ARHGAP26: variants seen among roughly 807,000 people sequenced by gnomAD.
ARHGAP26 encodes the protein rho GTPase-activating protein 26.
ARHGAP26 carries 38 observed loss-of-function variants against 104.8 expected under a neutral mutation model. The observed-to-expected ratio is 0.36, with a 90% CI of 0.28 to 0.48. ARHGAP26 has a LOEUF of 0.48. Among genes scored for constraint, ARHGAP26 ranks in the 20% least tolerant of loss-of-function variants. The pLI, the probability that ARHGAP26 is intolerant of heterozygous loss-of-function variation, is 0.99. For missense variants in ARHGAP26, 704 were observed against 947.9 expected (o/e 0.74, Z 3.38); for synonymous variants, 341 against 340.0 (o/e 1.00, Z -0.03).
intron 20 of ARHGAP26, among the ~76,000 whole-genome samples, chr5:143,206,601 C>T (rs749950480): frequency 5.9e-5 from 9 of 152,224 alleles, no homozygotes; most frequent in Non-Finnish European, 1.3e-4. Flanking sequence ...CCGCATTCTG[C>T]TGGTAATTGC....
At position 142,913,213 on chromosome 5, in the gene ARHGAP26, A is replaced by G; in HGVS notation, c.948A>G (p.Ser316=). 6.2e-7 allele frequency: 1 copy of G among 1,614,176 alleles called. No individual in the cohort carries two copies. Among genetic ancestry groups the G allele is most frequent in the Non-Finnish European group, 8.5e-7 (1 of 1,179,996 alleles). Residue 316 remains serine (S), a synonymous_variant, in exon 10 of 23, where the codon TCA becomes TCG. Coordinates refer to ENST00000645722, the MANE Select transcript of ARHGAP26 (RefSeq NM_001135608.3). ...GTTCCCACTAGGGAGAAGATGAATC[A>G]GTTATCCTCAAATCCTGCACACGGC... ...KSGGKGGEDE[S]VILKSCTRRK...
intron 17 of ARHGAP26, among the ~76,000 whole-genome samples, chr5:143,077,711 G>A (rs1198318953): frequency 2.0e-5 from 3 of 152,258 alleles, no homozygotes; most frequent in Non-Finnish European, 4.4e-5. Context: ...TCTTGAGGAT[G>A]GGTCTGAAAT....
At chr5:142,968,739 C>T (rs994870224) in intron 11 of ARHGAP26, among the ~76,000 whole-genome samples, 1 of 152,158 alleles carries the variant, frequency 6.6e-6, no homozygotes, top group African/African-American at 2.4e-5. Context: ...GTCTTTGTAT[C>T]ATTGTCACTG....
intron 1 of ARHGAP26, among the ~76,000 whole-genome samples, chr5:142,870,854 C>T (rs1009542019): frequency 2.0e-5 from 3 of 152,164 alleles, no homozygotes; most frequent in African/African-American, 7.2e-5. Flanking sequence ...ATCACCCTGT[C>T]ACCATCACCC....
At chr5:143,051,836 C>G (rs2150228609) in intron 14 of ARHGAP26, among the ~76,000 whole-genome samples, 1 of 152,248 alleles carries the variant, frequency 6.6e-6, no homozygotes, top group East Asian at 1.9e-4. Context: ...CCCAGACTTG[C>G]CAACTGCTGC....
chr5:143,227,314 A>G lies in ARHGAP26; in HGVS notation c.*4868A>G, dbSNP rs1413699698. 4.3e-6 allele frequency: 1 copy of G among 230,790 alleles called. No homozygotes were observed. The highest frequency in any genetic ancestry group is 5.6e-5 in the Admixed American group (1 of 17,716). The allele number at this position is 230,790 out of a possible 1,614,324, so 14.3% of individuals were successfully genotyped here. On this transcript the variant is annotated 3_prime_UTR_variant, in exon 23 of 23. Coordinates refer to ENST00000645722, the MANE Select transcript of ARHGAP26 (RefSeq NM_001135608.3). ...AAGGAATGACCTAGGTGTTCTGCCAAAGGAGTTATCTATCATCTCTGGCAA... is the reference window on the plus strand; with the variant it reads ...AAGGAATGACCTAGGTGTTCTGCCAGAGGAGTTATCTATCATCTCTGGCAA...
At chr5:142,850,798 T>C (rs1435894846) in intron 1 of ARHGAP26, among the ~76,000 whole-genome samples, 3 of 152,234 alleles carry the variant, frequency 2.0e-5, no homozygotes, top group African/African-American at 4.8e-5. Flanking sequence ...GTGCCTCATA[T>C]GTAGCAAATA....
At chr5:143,128,607 C>T (rs138611806) in intron 18 of ARHGAP26, among the ~76,000 whole-genome samples, 31 of 152,304 alleles carry the variant, frequency 2.0e-4, no homozygotes, top group African/African-American at 7.2e-4. Context: ...CTGGCTTCCA[C>T]TGTGAAGGTG....
Position 143,113,852 on chromosome 5 carries a change from T to C in ARHGAP26, c.1539-7136T>C, listed in dbSNP as rs371459993. On this transcript the variant is annotated intron_variant, in intron 17 of 22. Coordinates refer to ENST00000645722, the MANE Select transcript of ARHGAP26 (RefSeq NM_001135608.3). Reference sequence around the variant, plus strand: ...TACGGTGACTTCATTTTGGGTTGAATTTTCTGAGGAAGAAGAATGCCTTTT... The same window carrying C: ...TACGGTGACTTCATTTTGGGTTGAACTTTCTGAGGAAGAAGAATGCCTTTT... Among the ~76,000 whole-genome samples the C allele has an allele frequency of 3.3e-5, 5 of 152,154 alleles. No individual in the cohort carries two copies. In the East Asian group the frequency reaches 5.8e-4, roughly 18 times the overall value.
At chr5:143,150,200 AC>A (rs1353546817) in intron 20 of ARHGAP26, among the ~76,000 whole-genome samples, 2 of 152,208 alleles carry the variant, frequency 1.3e-5, no homozygotes, top group Non-Finnish European at 2.9e-5. Flanking sequence ...GTAAGTCAGG[AC>A]CAAAGTCCAG....
At chr5:143,069,115 A>G (rs1258661137) in intron 17 of ARHGAP26, among the ~76,000 whole-genome samples, 4 of 151,996 alleles carry the variant, frequency 2.6e-5, no homozygotes, top group Admixed American at 6.5e-5. Context: ...CTCCTTCCCA[A>G]TGAGGTCTTC....
At chr5:142,837,770 A>G (rs1769882916) in intron 1 of ARHGAP26, among the ~76,000 whole-genome samples, 1 of 152,204 alleles carries the variant, frequency 6.6e-6, no homozygotes, top group Non-Finnish European at 1.5e-5. Context: ...ATAGTTATAT[A>G]TTTATACTCC....
intron 20 of ARHGAP26, among the ~76,000 whole-genome samples, chr5:143,205,645 C>T (rs1427177650): frequency 1.3e-5 from 2 of 152,202 alleles, no homozygotes; most frequent in Non-Finnish European, 2.9e-5. Flanking sequence ...ACGCTGGCTG[C>T]AGGAGCCCTG....
intron 11 of ARHGAP26, among the ~76,000 whole-genome samples, chr5:142,954,590 C>G (rs946186608): frequency 3.9e-5 from 6 of 152,242 alleles, no homozygotes; most frequent in African/African-American, 1.4e-4. Context: ...TCTACACCCT[C>G]CCCTCTGGGG....
intron 1 of ARHGAP26, among the ~76,000 whole-genome samples, chr5:142,826,250 C>T (rs1767238081): frequency 6.6e-6 from 1 of 152,160 alleles, no homozygotes; most frequent in Non-Finnish European, 1.5e-5. Flanking sequence ...CTTCCTAGGT[C>T]AGATTTCCAG....
At chr5:143,035,958 A>G (rs968418979) in intron 12 of ARHGAP26, among the ~76,000 whole-genome samples, 2 of 141,830 alleles carry the variant, frequency 1.4e-5, no homozygotes, top group Admixed American at 7.1e-5. Context: ...AAAAAAAAAA[A>G]GAAGAACTTA....
At position 142,983,827 on chromosome 5, in the gene ARHGAP26, A is replaced by G. The variant is rs544999930; in HGVS notation, c.1108-30253A>G. On this transcript the variant is annotated intron_variant, in intron 11 of 22. Transcript: ENST00000645722. ...TATCTAGACACACATCTATTCATAT[A>G]TAAACAAAACATGCATCCCTTTCCA... is the stretch of plus-strand genomic sequence containing the variant. Among the ~76,000 whole-genome samples the G allele has an allele frequency of 3.3e-5, 5 of 152,356 alleles. No individual in the cohort carries two copies. The East Asian group carries it at 7.7e-4, about 23-fold the overall frequency.
chr5:142,999,033 A>C (rs1776828440), intron 11 of ARHGAP26, among the ~76,000 whole-genome samples: 1 of 152,226 alleles, frequency 6.6e-6, no homozygotes, highest in Non-Finnish European at 1.5e-5. Context: ...TCAGGACCTA[A>C]AGGGGTTCAT....
intron 1 of ARHGAP26, among the ~76,000 whole-genome samples, chr5:142,862,944 G>A (rs1465263730): frequency 6.6e-6 from 1 of 152,040 alleles, no homozygotes; most frequent in Admixed American, 6.5e-5. Flanking sequence ...TCTCTCAATT[G>A]GATTTTTGGA....
Sources: gnomAD v4.1 joint callset for allele counts (sites outside exome capture counted in the v4.1 genomes callset) on GRCh38, gnomAD v4.1.1 for gene constraint, MANE v1.5 for transcripts, NCBI Gene and HGNC (gene_info 2026-07-23, HGNC 2026-07-21) for gene names.